The following SNX24 variants were observed in gnomAD, a reference collection of about 807,000 sequenced individuals.
The protein encoded by SNX24 is sorting nexin-24.
In SNX24, 22 loss-of-function variants were observed where a neutral mutation model predicts 28.7. The observed-to-expected ratio is 0.77, with a 90% CI of 0.55 to 1.10. The LOEUF (loss-of-function observed/expected upper bound fraction) is 1.10, where lower values mean the gene tolerates loss of function less well. Ranked by LOEUF, SNX24 falls within the 50% of genes least tolerant of loss-of-function variation. The pLI is 0.00. For missense variants in SNX24, 221 were observed against 201.1 expected, an observed-to-expected ratio of 1.10 and a Z score of -0.60; for synonymous variants, 69 against 71.5, an observed-to-expected ratio of 0.96 and a Z score of 0.18.
intron 3 of SNX24, among the ~76,000 whole-genome samples, chr5:122,996,164 C>A (rs1762046461): frequency 6.6e-6 from 1 of 152,188 alleles, no homozygotes. Flanking sequence ...CAGCCCAGAG[C>A]TGAAGGCATT....
intron 1 of SNX24, among the ~76,000 whole-genome samples, chr5:122,872,533 G>GTGAA (rs1272869903): frequency 6.6e-6 from 1 of 152,094 alleles, no homozygotes; most frequent in African/African-American, 2.4e-5. Context: ...ATGAAAATCT[G>GTGAA]TGAATGCTCA....
Position 123,000,000 on chromosome 5 carries a change from G to A in SNX24, c.338G>A (p.Ser113Asn). The change falls in exon 4 of 7, where the codon AGT (serine) becomes AAT (asparagine). Residue 113 changes from serine (S) to asparagine (N), a missense_variant. Ser to Asn is a conservative substitution (Grantham distance 46, BLOSUM62 1). Transcript: ENST00000261369. ...RHLPSLPKAE[S>N]CGSFDETESE... ...TTGCCCTCTCTACCAAAGGCAGAAA[G>A]TTGTGGGTAAGAATCATGTTTGCAT... is the stretch of plus-strand genomic sequence containing the variant. The A allele has an allele frequency of 1.9e-6, 3 of 1,597,432 alleles. No homozygotes were observed. Among genetic ancestry groups the A allele is most frequent in the East Asian group, 2.2e-5 (1 of 44,808 alleles).
intron 1 of SNX24, among the ~76,000 whole-genome samples, chr5:122,883,982 T>C (rs1429772412): frequency 6.6e-6 from 1 of 152,216 alleles, no homozygotes; most frequent in African/African-American, 2.4e-5. Flanking sequence ...ATTAGAACTT[T>C]GCTTGAGTGG....
intron 1 of SNX24, among the ~76,000 whole-genome samples, chr5:122,873,465 A>C (rs1167084895): frequency 6.6e-6 from 1 of 152,160 alleles, no homozygotes; most frequent in Non-Finnish European, 1.5e-5. Flanking sequence ...GCATGTTTGC[A>C]TGCTGGGTCC....
intron 1 of SNX24, among the ~76,000 whole-genome samples, chr5:122,909,663 C>G (rs527855116): frequency 3.0e-4 from 45 of 152,266 alleles, no homozygotes; most frequent in Middle Eastern, 3.4e-3. Context: ...ATTAAGATGA[C>G]TTCTTGGCAC....
chr5:122,849,838 A>G (rs6890034), intron 1 of SNX24, among the ~76,000 whole-genome samples: 1,895 of 152,316 alleles, frequency 0.012, 40 homozygotes, highest in African/African-American at 0.044. Context: ...AATTCAGTAC[A>G]TGTCTGTTGA....
chr5:122,957,315 C>G (rs1332496111), intron 3 of SNX24, among the ~76,000 whole-genome samples: 1 of 152,154 alleles, frequency 6.6e-6, no homozygotes, highest in Non-Finnish European at 1.5e-5. Context: ...TCTCAAAAAA[C>G]CGTTGGACCA....
chr5:122,956,298 G>C (rs1417703825), intron 3 of SNX24, among the ~76,000 whole-genome samples: 1 of 151,302 alleles, frequency 6.6e-6, no homozygotes, highest in Admixed American at 6.6e-5. Flanking sequence ...TGCAGGGAAG[G>C]CTTAGTTGTC....
intron 6 of SNX24, chr5:123,002,257 G>T: frequency 2.0e-6 from 1 of 498,944 alleles, no homozygotes; most frequent in Admixed American, 3.6e-5. Context: ...GGTATTTATG[G>T]TCCTTAATTT....
intron 1 of SNX24, among the ~76,000 whole-genome samples, chr5:122,903,692 C>G (rs1423346115): frequency 6.6e-6 from 1 of 152,054 alleles, no homozygotes; most frequent in Non-Finnish European, 1.5e-5. Flanking sequence ...CCTAATTAAC[C>G]TTAAGTTTTG....
intron 1 of SNX24, among the ~76,000 whole-genome samples, chr5:122,860,594 A>C (rs914894307): frequency 6.6e-6 from 1 of 152,018 alleles, no homozygotes; most frequent in Non-Finnish European, 1.5e-5. Context: ...GAGTGAAATA[A>C]TTTTTTTATT....
chr5:123,008,980 C>T lies in SNX24; in HGVS notation c.*1231C>T, dbSNP rs1203968940. The T allele has an allele frequency of 2.0e-6, 2 of 985,692 alleles. No individual in the cohort carries two copies. Among genetic ancestry groups the T allele is most frequent in the African/African-American group, 1.7e-5 (1 of 57,332 alleles). The allele number at this position is 985,692 out of a possible 1,614,324, so 61.1% of individuals were successfully genotyped here. On this transcript the variant is annotated 3_prime_UTR_variant, in exon 7 of 7. Transcript: ENST00000261369. ...GGGAGCAAGGTATTTAAAATCAAAA[C>T]TAATAACTACATCATGGTTTTTGAT...
intron 6 of SNX24, among the ~76,000 whole-genome samples, chr5:123,007,069 T>C (rs1347957111): frequency 6.6e-6 from 1 of 152,332 alleles, no homozygotes; most frequent in Non-Finnish European, 1.5e-5. Context: ...TGGAATGTGC[T>C]GTAACATACT....
intron 1 of SNX24, among the ~76,000 whole-genome samples, chr5:122,859,591 G>A (rs1365658052): frequency 6.6e-6 from 1 of 152,152 alleles, no homozygotes; most frequent in African/African-American, 2.4e-5. Context: ...GGCAGAGCAA[G>A]ACACTATCTC....
intron 2 of SNX24, among the ~76,000 whole-genome samples, chr5:122,939,359 G>A (rs566931519): frequency 2.0e-5 from 3 of 152,294 alleles, no homozygotes; most frequent in South Asian, 4.1e-4. Flanking sequence ...TTTAGGAGTT[G>A]TAGCCCCTCT....
At chr5:122,848,127 G>A (rs1397451177) in intron 1 of SNX24, among the ~76,000 whole-genome samples, 1 of 151,744 alleles carries the variant, frequency 6.6e-6, no homozygotes, top group Non-Finnish European at 1.5e-5. Flanking sequence ...TTAAGAGCTA[G>A]GATCTTGCTC....
At chr5:122,886,199 T>C (rs1756706503) in intron 1 of SNX24, among the ~76,000 whole-genome samples, 1 of 152,206 alleles carries the variant, frequency 6.6e-6, no homozygotes, top group Admixed American at 6.5e-5. Context: ...ACTAAAGACA[T>C]ACAATTGATT....
At chr5:123,017,784 A>G (rs1183535491) in intron 5 of SNX24, among the ~76,000 whole-genome samples, 1 of 152,070 alleles carries the variant, frequency 6.6e-6, no homozygotes, top group Non-Finnish European at 1.5e-5. Context: ...CTTGTCTGCT[A>G]CCATATGAGA....
intron 1 of SNX24, among the ~76,000 whole-genome samples, chr5:122,873,374 A>G (rs922444857): frequency 6.6e-6 from 1 of 152,130 alleles, no homozygotes; most frequent in African/African-American, 2.4e-5. Context: ...TGTGGCCTAG[A>G]TAATTCTAAA....
Sources: gnomAD v4.1 joint callset for allele counts (sites outside exome capture counted in the v4.1 genomes callset) on GRCh38, gnomAD v4.1.1 for gene constraint, MANE v1.5 for transcripts, NCBI Gene and HGNC (gene_info 2026-07-23, HGNC 2026-07-21) for gene names.